Variants in RELL1 observed in about 807,000 individuals in gnomAD.
RELL1 encodes RELT-like protein 1.
Under a neutral mutation model 23.0 loss-of-function variants are expected in RELL1, and 10 were observed. The observed-to-expected ratio is 0.43, with a 90% CI of 0.27 to 0.74. The LOEUF (loss-of-function observed/expected upper bound fraction) is 0.74, where lower values mean the gene tolerates loss of function less well. Ranked by LOEUF, RELL1 falls within the 30% of genes least tolerant of loss-of-function variation. The probability of loss-of-function intolerance (pLI) is 0.19; values close to 1 mark genes in which losing one functional copy is unlikely to be tolerated. For synonymous variants in RELL1, 146 were observed against 146.8 expected (o/e 0.99, Z 0.04); for missense variants, 315 against 364.4 (o/e 0.86, Z 1.10).
At chr4:37,601,748 T>A (rs560882613) in intron 6 of RELL1, among the ~76,000 whole-genome samples, 1 of 152,238 alleles carries the variant, frequency 6.6e-6, no homozygotes, top group African/African-American at 2.4e-5. Flanking sequence ...CTATAACTCC[T>A]CCTATAGCTA....
At chr4:37,647,522 C>T in intron 2 of RELL1, 83 bp from the exon 3 acceptor site, 2 of 921,948 alleles carry the variant, frequency 2.2e-6, no homozygotes, top group South Asian at 2.7e-5. Flanking sequence ...CAAGACCTCA[C>T]TGAACAGTTT....
intron 6 of RELL1, among the ~76,000 whole-genome samples, chr4:37,594,066 C>T (rs1718742377): frequency 6.6e-6 from 1 of 152,166 alleles, no homozygotes; most frequent in Non-Finnish European, 1.5e-5. Flanking sequence ...TTTAAAGATT[C>T]TCTTTTATGA....
At chr4:37,654,747 T>G (rs1264869652) in intron 1 of RELL1, among the ~76,000 whole-genome samples, 1 of 152,212 alleles carries the variant, frequency 6.6e-6, no homozygotes, top group African/African-American at 2.4e-5. Context: ...TGAAATAATA[T>G]GCACTATTTA....
At chr4:37,644,015 A>C (rs1303390518) in intron 3 of RELL1, among the ~76,000 whole-genome samples, 2 of 152,150 alleles carry the variant, frequency 1.3e-5, no homozygotes, top group East Asian at 3.9e-4. Context: ...ACAGGAGAAG[A>C]GGGGACCCGG....
intron 6 of RELL1, among the ~76,000 whole-genome samples, chr4:37,627,298 G>C (rs1719986567): frequency 6.6e-6 from 1 of 152,208 alleles, no homozygotes; most frequent in Non-Finnish European, 1.5e-5. Flanking sequence ...AGAATGCTTA[G>C]GACAGGATCA....
chr4:37,620,912 C>T (rs1719739547), intron 6 of RELL1, among the ~76,000 whole-genome samples: 2 of 152,176 alleles, frequency 1.3e-5, no homozygotes, highest in Admixed American at 6.5e-5. Flanking sequence ...AACAGTATCC[C>T]TACGAAGTAG....
chr4:37,660,402 A>G (rs565226763), intron 1 of RELL1, among the ~76,000 whole-genome samples: 63 of 152,070 alleles, frequency 4.1e-4, no homozygotes, highest in Admixed American at 2.8e-3. Flanking sequence ...ATGAAGACAC[A>G]AGCCCATCTT....
At chr4:37,625,984 T>G (rs1458338800) in intron 6 of RELL1, among the ~76,000 whole-genome samples, 1 of 151,382 alleles carries the variant, frequency 6.6e-6, no homozygotes, top group East Asian at 1.9e-4. Flanking sequence ...AACAAATATA[T>G]GAAAAAAAGG....
At chr4:37,678,458 C>A (rs1281734995) in intron 1 of RELL1, among the ~76,000 whole-genome samples, 1 of 152,322 alleles carries the variant, frequency 6.6e-6, no homozygotes, top group Middle Eastern at 3.4e-3. Context: ...CCCTGCCTCC[C>A]AAGAGAACTC....
intron 1 of RELL1, among the ~76,000 whole-genome samples, chr4:37,660,814 A>G (rs376645220): frequency 5.4e-4 from 82 of 152,196 alleles, no homozygotes; most frequent in African/African-American, 9.4e-4. Context: ...GGCAGATCAC[A>G]AGGTCAGGAG....
At chr4:37,667,238 T>G (rs546479482) in intron 1 of RELL1, among the ~76,000 whole-genome samples, 1 of 152,172 alleles carries the variant, frequency 6.6e-6, no homozygotes, top group East Asian at 1.9e-4. Context: ...ATACTATTAA[T>G]AATAGTCACA....
downstream of RELL1, chr4:37,590,377 C>G: frequency 6.2e-7 from 1 of 1,613,900 alleles, no homozygotes; most frequent in South Asian, 1.1e-5. Context: ...TGCCACTCCA[C>G]AGCCCACTGG....
At chr4:37,598,252 CAAAAAAAAAAA>C (rs56142508) in intron 6 of RELL1, among the ~76,000 whole-genome samples, 639 of 11,322 alleles carry the variant, frequency 0.056, 13 homozygotes, top group African/African-American at 0.23. Flanking sequence ...AACTCTGTCT[CAAAAAAAAAAA>C]AAAAAAAAAA....
chr4:37,619,839 G>A (rs1165623126), intron 6 of RELL1, among the ~76,000 whole-genome samples: 1 of 152,208 alleles, frequency 6.6e-6, no homozygotes, highest in Non-Finnish European at 1.5e-5. Flanking sequence ...CCAAAGCACT[G>A]GGATTACAGG....
At chr4:37,625,291 T>G (rs1396214277) in intron 6 of RELL1, among the ~76,000 whole-genome samples, 1 of 151,500 alleles carries the variant, frequency 6.6e-6, no homozygotes, top group African/African-American at 2.5e-5. Context: ...AGGAGGAAAG[T>G]TCCATGACAC....
At chr4:37,590,010 G>A (rs985884080), downstream of RELL1, 10 of 1,002,380 alleles carry the variant, frequency 1.0e-5, no homozygotes, top group African/African-American at 4.9e-5. Context: ...AGCAGGAATC[G>A]TAGAAAGAAG....
intron 3 of RELL1, among the ~76,000 whole-genome samples, chr4:37,643,388 T>C (rs1395874975): frequency 2.0e-5 from 3 of 152,218 alleles, no homozygotes; most frequent in Non-Finnish European, 4.4e-5. Context: ...TAAACAAGAA[T>C]GTTACCATGA....
intron 1 of RELL1, among the ~76,000 whole-genome samples, chr4:37,678,077 C>T (rs193115223): frequency 1.3e-5 from 2 of 152,352 alleles, no homozygotes; most frequent in African/African-American, 4.8e-5. Flanking sequence ...GTGGCATCTG[C>T]TTCTGGGGAG....
chr4:37,586,755 TAA>T (rs1718358556), downstream of RELL1, among the ~76,000 whole-genome samples: 1 of 151,936 alleles, frequency 6.6e-6, no homozygotes, highest in Non-Finnish European at 1.5e-5. Flanking sequence ...ACTAAAAATA[TAA>T]AAGTTAGCTG....
Sources: gnomAD v4.1 joint callset for allele counts (sites outside exome capture counted in the v4.1 genomes callset) on GRCh38, gnomAD v4.1.1 for gene constraint, MANE v1.5 for transcripts, NCBI Gene and HGNC (gene_info 2026-07-23, HGNC 2026-07-21) for gene names.